PARD3: variants seen among roughly 807,000 people sequenced by gnomAD.
PARD3 encodes the protein partitioning defective 3 homolog.
In PARD3, 75 loss-of-function variants were observed where a neutral mutation model predicts 155.4. The observed-to-expected ratio is 0.48, with a 90% CI of 0.40 to 0.58. PARD3 has a LOEUF of 0.58. Among genes scored for constraint, PARD3 ranks in the 20% least tolerant of loss-of-function variants. The probability of loss-of-function intolerance (pLI) is 0.00; values close to 1 mark genes in which losing one functional copy is unlikely to be tolerated. For synonymous variants in PARD3, 576 were observed against 610.5 expected (o/e 0.94, Z 0.83); for missense variants, 1,642 against 1,721.7 (o/e 0.95, Z 0.82).
intron 1 of PARD3, among the ~76,000 whole-genome samples, chr10:34,809,364 C>T (rs1843796629): frequency 6.6e-6 from 1 of 152,106 alleles, no homozygotes; most frequent in Non-Finnish European, 1.5e-5. Context: ...GAAGGGCGCA[C>T]GGATACACTT....
chr10:34,140,204 CATGGTCAGGAT>C (rs1423909365), intron 22 of PARD3, among the ~76,000 whole-genome samples: 1 of 152,016 alleles, frequency 6.6e-6, no homozygotes, highest in Non-Finnish European at 1.5e-5. Flanking sequence ...AGCAGAGAGA[CATGGTCAGGAT>C]ATGTGTGGCA....
At chr10:34,462,100 T>C (rs1386718548) in intron 4 of PARD3, among the ~76,000 whole-genome samples, 9 of 152,126 alleles carry the variant, frequency 5.9e-5, no homozygotes, top group Non-Finnish European at 2.9e-5. Context: ...ATATGCAAAA[T>C]AGAAGGGTAA....
chr10:34,664,434 CT>C (rs1263832075), intron 2 of PARD3, among the ~76,000 whole-genome samples: 2 of 151,956 alleles, frequency 1.3e-5, no homozygotes, highest in Non-Finnish European at 2.9e-5. Context: ...AAATCCTGAC[CT>C]TGTGATCCGC....
chr10:34,229,646 C>T (rs1952810513), intron 22 of PARD3, among the ~76,000 whole-genome samples: 1 of 138,478 alleles, frequency 7.2e-6, no homozygotes, highest in African/African-American at 2.9e-5. Flanking sequence ...CATAATTCTT[C>T]TCTAGTTGAG....
intron 22 of PARD3, among the ~76,000 whole-genome samples, chr10:34,239,311 T>TG (rs1953431325): frequency 6.6e-6 from 1 of 152,044 alleles, no homozygotes; most frequent in Non-Finnish European, 1.5e-5. Context: ...GATGGAAGGG[T>TG]GCTCACTGGC....
chr10:34,338,076 A>G lies in PARD3; in HGVS notation c.2409-650T>C, dbSNP rs531121897. ...AAGATTCCCTGTACTCTATGAGCTC[A>G]TAAGAAAAATACTAAACCAGAAGTC... On this transcript the variant is annotated intron_variant, in intron 16 of 24. Coordinates refer to ENST00000374788, the MANE Select transcript of PARD3 (RefSeq NM_001184785.2). 7.4e-4 allele frequency among the ~76,000 whole-genome samples: 112 copies of G among 152,378 alleles called. 1 individual carries two copies. The highest frequency in any genetic ancestry group is 7.0e-3 in the South Asian group (34 of 4,830).
chr10:34,780,651 T>C (rs1840131728), intron 1 of PARD3, among the ~76,000 whole-genome samples: 1 of 152,238 alleles, frequency 6.6e-6, no homozygotes, highest in Admixed American at 6.5e-5. Context: ...CTGTCTATTT[T>C]ATCCCCAGGG....
chr10:34,625,368 T>C (rs1428869522), intron 2 of PARD3, among the ~76,000 whole-genome samples: 2 of 152,182 alleles, frequency 1.3e-5, no homozygotes, highest in Admixed American at 6.5e-5. Context: ...GGCAAATTTC[T>C]TGGTGTAAAT....
intron 1 of PARD3, among the ~76,000 whole-genome samples, chr10:34,806,966 G>T (rs1843475148): frequency 6.6e-6 from 1 of 152,174 alleles, no homozygotes; most frequent in Admixed American, 6.6e-5. Context: ...CAAAATTTCT[G>T]GGAGCCAAAG....
At chr10:34,643,104 A>T (rs942461199) in intron 2 of PARD3, among the ~76,000 whole-genome samples, 16 of 152,166 alleles carry the variant, frequency 1.1e-4, no homozygotes, top group Non-Finnish European at 2.2e-4. Context: ...CCACAACATA[A>T]AAATCACAAG....
chr10:34,123,207 C>T (rs1443969055), intron 23 of PARD3, among the ~76,000 whole-genome samples: 3 of 152,118 alleles, frequency 2.0e-5, no homozygotes, highest in East Asian at 1.9e-4. Flanking sequence ...AATAAACACA[C>T]GAGTATATAT....
intron 14 of PARD3, among the ~76,000 whole-genome samples, chr10:34,354,741 G>C (rs938451184): frequency 2.0e-4 from 30 of 152,176 alleles, no homozygotes; most frequent in Admixed American, 1.6e-3. Context: ...TGAGTGGCTA[G>C]AGCAGAGGTG....
At chr10:34,215,832 G>T (rs2133434164) in intron 22 of PARD3, among the ~76,000 whole-genome samples, 1 of 152,202 alleles carries the variant, frequency 6.6e-6, no homozygotes, top group African/African-American at 2.4e-5. Flanking sequence ...GATGGAGGAG[G>T]GTGTATTTAA....
intron 22 of PARD3, among the ~76,000 whole-genome samples, chr10:34,131,811 ATTCT>A (rs1173617390): frequency 2.2e-5 from 3 of 137,132 alleles, no homozygotes; most frequent in Non-Finnish European, 4.9e-5. Flanking sequence ...ATTTTTAGAT[ATTCT>A]TTTTTTTTTT....
intron 22 of PARD3, among the ~76,000 whole-genome samples, chr10:34,141,176 G>A (rs1948170057): frequency 6.6e-6 from 1 of 152,162 alleles, no homozygotes. Flanking sequence ...CTGAGGCTAA[G>A]TGGCTATATT....
intron 1 of PARD3, among the ~76,000 whole-genome samples, chr10:34,797,324 T>C (rs556683647): frequency 1.3e-5 from 2 of 152,308 alleles, no homozygotes; most frequent in South Asian, 4.1e-4. Context: ...CTAATTTATG[T>C]TTATTCTTTG....
At chr10:34,176,258 T>C (rs775565706) in intron 22 of PARD3, among the ~76,000 whole-genome samples, 1 of 152,158 alleles carries the variant, frequency 6.6e-6, no homozygotes, top group African/African-American at 2.4e-5. Context: ...ATTTTAAAAA[T>C]TGTCCTACAA....
At chr10:34,344,950 A>C in intron 15 of PARD3, 1 of 985,360 alleles carries the variant, frequency 1.0e-6, no homozygotes, top group African/African-American at 1.7e-5. Flanking sequence ...AGTTGGCTGG[A>C]GTATGTGGTT....
intron 2 of PARD3, among the ~76,000 whole-genome samples, chr10:34,649,230 G>A (rs570047181): frequency 6.6e-6 from 1 of 152,300 alleles, no homozygotes; most frequent in South Asian, 2.1e-4. Context: ...GATTATTTGA[G>A]CTCAGGAGTT....
Sources: allele counts gnomAD v4.1 joint callset (sites outside exome capture counted in the v4.1 genomes callset), GRCh38; gene constraint gnomAD v4.1.1; transcripts MANE v1.5; gene names NCBI Gene and HGNC (gene_info 2026-07-23, HGNC 2026-07-21).